Variants in GDPD1 observed in about 807,000 individuals in gnomAD.
The protein encoded by GDPD1 is glycerophosphodiester phosphodiesterase domain containing 1.
Under a neutral mutation model 45.1 loss-of-function variants are expected in GDPD1, and 28 were observed. That is an observed-to-expected ratio of 0.62 (90% CI 0.46 to 0.85). GDPD1 has a LOEUF of 0.85. Among genes scored for constraint, GDPD1 ranks in the 40% least tolerant of loss-of-function variants. The probability of loss-of-function intolerance (pLI) is 0.00; values close to 1 mark genes in which losing one functional copy is unlikely to be tolerated. For synonymous variants in GDPD1, 139 were observed against 131.4 expected (o/e 1.06, Z -0.40); for missense variants, 256 against 364.8 (o/e 0.70, Z 2.43).
At chr17:59,254,639 C>T (rs1173332213) in intron 4 of GDPD1, among the ~76,000 whole-genome samples, 1 of 152,104 alleles carries the variant, frequency 6.6e-6, no homozygotes, top group Non-Finnish European at 1.5e-5. Flanking sequence ...GTGTTAGATG[C>T]ACATCTCAAG....
chr17:59,251,665 A>G (rs1201339115), intron 4 of GDPD1, among the ~76,000 whole-genome samples: 1 of 152,054 alleles, frequency 6.6e-6, no homozygotes, highest in Non-Finnish European at 1.5e-5. Context: ...CTGATCCTCA[A>G]ATGTGAAGTT....
At chr17:59,248,822 GA>G in intron 4 of GDPD1, 37 bp downstream of exon 4, 1 of 1,461,498 alleles carries the variant, frequency 6.8e-7, no homozygotes, top group South Asian at 1.2e-5. Context: ...CATTTGTGTT[GA>G]GAAGCATATG....
chr17:59,263,482 C>CTTTTTTTT (rs1568349871), intron 6 of GDPD1, among the ~76,000 whole-genome samples: 1 of 7,074 alleles, frequency 1.4e-4, no homozygotes. Context: ...TTTTTCCTTT[C>CTTTTTTTT]CTTTTTTTTT....
chr17:59,233,526 AAAAG>A (rs1456756192), intron 1 of GDPD1, among the ~76,000 whole-genome samples: 4 of 150,006 alleles, frequency 2.7e-5, no homozygotes, highest in Non-Finnish European at 5.9e-5. Flanking sequence ...AAAAAAAAAA[AAAAG>A]AAAGAAAAAA....
chr17:59,254,794 A>C (rs1166945979), intron 4 of GDPD1, among the ~76,000 whole-genome samples: 4 of 152,050 alleles, frequency 2.6e-5, no homozygotes, highest in Admixed American at 1.3e-4. Context: ...TTTTGCTTTC[A>C]TTTGTGTTAG....
At chr17:59,261,018 T>G (rs1042296233) in intron 6 of GDPD1, among the ~76,000 whole-genome samples, 1 of 152,150 alleles carries the variant, frequency 6.6e-6, no homozygotes, top group Non-Finnish European at 1.5e-5. Flanking sequence ...CAGGCTGGAG[T>G]GCAGTTGCAT....
chr17:59,241,819 G>C (rs1379161172), intron 2 of GDPD1, among the ~76,000 whole-genome samples: 1 of 151,752 alleles, frequency 6.6e-6, no homozygotes, highest in Non-Finnish European at 1.5e-5. Context: ...TCCCAGCTAC[G>C]CAGGAGGCTG....
chr17:59,222,413 A>G (rs897440991), intron 1 of GDPD1, among the ~76,000 whole-genome samples: 1 of 145,380 alleles, frequency 6.9e-6, no homozygotes, highest in Non-Finnish European at 1.5e-5. Flanking sequence ...TCACTGTCTG[A>G]GCCAGGATGG....
intron 6 of GDPD1, among the ~76,000 whole-genome samples, chr17:59,262,879 C>T (rs1044811185): frequency 4.6e-5 from 7 of 152,064 alleles, no homozygotes; most frequent in African/African-American, 1.7e-4. Flanking sequence ...CCGCCCACCT[C>T]GGCCTCCCAC....
At chr17:59,231,830 G>A (rs558815212) in intron 1 of GDPD1, among the ~76,000 whole-genome samples, 1 of 152,050 alleles carries the variant, frequency 6.6e-6, no homozygotes, top group South Asian at 2.1e-4. Flanking sequence ...TTTTTGCTGT[G>A]TTGCCCAGGC....
Position 59,255,846 on chromosome 17 carries a change from T to C in GDPD1, c.368-1276T>C, listed in dbSNP as rs1248210380. ...ATATATACGCGTATATATATATATA[T>C]ATATACACACGTATATATATATATA... is the stretch of plus-strand genomic sequence containing the variant. On this transcript the variant is annotated intron_variant, in intron 4 of 9. Coordinates refer to ENST00000284116, the MANE Select transcript of GDPD1 (RefSeq NM_182569.4). Among the ~76,000 whole-genome samples, 31 of 82,626 alleles carry C rather than the reference T, an allele frequency of 3.8e-4. 2 individuals carry two copies. The highest frequency in any genetic ancestry group is 3.2e-3 in the South Asian group (7 of 2,216). The allele number at this position is 82,626 out of a possible 152,430, so 54.2% of individuals were successfully genotyped here.
At chr17:59,239,776 T>A (rs1322106222) in intron 2 of GDPD1, among the ~76,000 whole-genome samples, 15 of 146,366 alleles carry the variant, frequency 1.0e-4, no homozygotes, top group Admixed American at 1.0e-3. Flanking sequence ...TTTTTTTTTT[T>A]AATTGCCAGC....
chr17:59,224,624 CAAAAA>C (rs71145538), intron 1 of GDPD1, among the ~76,000 whole-genome samples: 3 of 114,798 alleles, frequency 2.6e-5, no homozygotes, highest in Admixed American at 9.4e-5. Context: ...GACTCCATCT[CAAAAA>C]AAAAAAAAAA....
intron 2 of GDPD1, among the ~76,000 whole-genome samples, chr17:59,236,124 T>TCCA (rs1390647100): frequency 2.0e-5 from 3 of 152,184 alleles, no homozygotes; most frequent in Non-Finnish European, 4.4e-5. Flanking sequence ...CCATATTTTT[T>TCCA]TGTTAAATTT....
chr17:59,235,729 A>C (rs1172542002), intron 2 of GDPD1, among the ~76,000 whole-genome samples: 1 of 151,762 alleles, frequency 6.6e-6, no homozygotes, highest in Non-Finnish European at 1.5e-5. Context: ...GGGCATGAGA[A>C]TTGCTTGAAC....
At chr17:59,269,113 A>G (rs1242435459) in intron 7 of GDPD1, among the ~76,000 whole-genome samples, 1 of 152,156 alleles carries the variant, frequency 6.6e-6, no homozygotes, top group African/African-American at 2.4e-5. Context: ...CCTAGCCAAC[A>G]TGGTGAAACC....
At chr17:59,271,152 C>G (rs1482062551) in intron 8 of GDPD1, among the ~76,000 whole-genome samples, 157 bp downstream of exon 8, 1 of 152,096 alleles carries the variant, frequency 6.6e-6, no homozygotes, top group Admixed American at 6.6e-5. Context: ...TTAGAAATAT[C>G]TTAATTACTA....
chr17:59,241,442 C>T (rs1356213168), intron 2 of GDPD1, among the ~76,000 whole-genome samples: 4 of 152,078 alleles, frequency 2.6e-5, no homozygotes, highest in African/African-American at 7.2e-5. Flanking sequence ...CTCAGCCTCC[C>T]GAGTAGCTGA....
At chr17:59,221,847 A>G (rs2047007720) in intron 1 of GDPD1, among the ~76,000 whole-genome samples, 1 of 152,192 alleles carries the variant, frequency 6.6e-6, no homozygotes, top group Non-Finnish European at 1.5e-5. Context: ...GTGTAGTACC[A>G]TAATCACTTT....
Sources: allele counts gnomAD v4.1 joint callset (sites outside exome capture counted in the v4.1 genomes callset), GRCh38; gene constraint gnomAD v4.1.1; transcripts MANE v1.5; gene names NCBI Gene and HGNC (gene_info 2026-07-23, HGNC 2026-07-21).